The following GRHL2 variants were observed in gnomAD, a reference collection of about 807,000 sequenced individuals.
GRHL2 encodes the protein grainyhead like transcription factor 2.
Under a neutral mutation model 83.8 loss-of-function variants are expected in GRHL2, and 21 were observed. The observed-to-expected ratio is 0.25, with a 90% confidence interval of 0.18 to 0.36. The LOEUF is 0.36. Ranked by LOEUF, GRHL2 falls within the 10% of genes least tolerant of loss-of-function variation. The pLI is 1.00. For synonymous variants in GRHL2, 280 were observed against 278.9 expected, an observed-to-expected ratio of 1.00 and a Z score of -0.04; for missense variants, 623 against 781.8, an observed-to-expected ratio of 0.80 and a Z score of 2.42.
At position 101,546,698 on chromosome 8, in the gene GRHL2, G is replaced by A. The variant is rs577302940; in HGVS notation, c.216+3262G>A. Among the ~76,000 whole-genome samples the A allele has an allele frequency of 4.7e-4, 71 of 152,258 alleles. No individual in the cohort carries two copies. In the South Asian group the frequency reaches 8.9e-3, roughly 19 times the overall value. On this transcript the variant is annotated intron_variant, in intron 2 of 15. Coordinates refer to ENST00000646743, the MANE Select transcript of GRHL2 (RefSeq NM_024915.4). ...TCCAAAGTGCTGGGATTAGGCGTGAGTCACCAAGTCCAGTCCATAATTAGT... is the reference window on the plus strand; with the variant it reads ...TCCAAAGTGCTGGGATTAGGCGTGAATCACCAAGTCCAGTCCATAATTAGT...
At chr8:101,533,305 T>C (rs574561728) in intron 1 of GRHL2, among the ~76,000 whole-genome samples, 1 of 152,354 alleles carries the variant, frequency 6.6e-6, no homozygotes, top group African/African-American at 2.4e-5. Context: ...AAATATGCTG[T>C]GAATTGATTT....
chr8:101,564,308 TA>T lies in GRHL2; in HGVS notation c.678+5498del, dbSNP rs1252208895. Among the ~76,000 whole-genome samples the T allele has an allele frequency of 2.6e-5, 4 of 152,306 alleles. No individual in the cohort carries two copies. In the East Asian group the frequency reaches 7.7e-4, roughly 29 times the overall value. ...AGTAATTTCACCAAGAAAATTTCATTAAGGAAAATTTGTCTAAACTCACTTA... is the reference window on the plus strand; with the variant it reads ...AGTAATTTCACCAAGAAAATTTCATTAGGAAAATTTGTCTAAACTCACTTA... On this transcript the variant is annotated intron_variant, in intron 4 of 15. Coordinates refer to ENST00000646743, the MANE Select transcript of GRHL2 (RefSeq NM_024915.4).
chr8:101,570,637 G>A (rs559579999), intron 5 of GRHL2, among the ~76,000 whole-genome samples: 260 of 147,844 alleles, frequency 1.8e-3, no homozygotes, highest in African/African-American at 5.9e-3. Flanking sequence ...TTTTGTAGGT[G>A]TTCCTCTGAA....
At chr8:101,562,923 A>C (rs62519114) in intron 4 of GRHL2, among the ~76,000 whole-genome samples, 21,107 of 152,204 alleles carry the variant, frequency 0.14, 1,891 homozygotes, top group South Asian at 0.27. Context: ...CAGCATGATA[A>C]TATCTTTAGC....
downstream of GRHL2, among the ~76,000 whole-genome samples, chr8:101,669,921 A>AACTT (rs769255058): frequency 6.6e-6 from 1 of 152,170 alleles, no homozygotes; most frequent in African/African-American, 2.4e-5. Flanking sequence ...AGGGCTGAAG[A>AACTT]ACTTCCAGGG....
At position 101,558,447 on chromosome 8, in the gene GRHL2, A is replaced by G; in HGVS notation, c.313A>G (p.Ser105Gly). ...CTGCCTTGGCACCAGTGAAGCCCAGAGTAATTTGAGTGGAGGAGAAAACCG... is the reference window on the plus strand; with the variant it reads ...CTGCCTTGGCACCAGTGAAGCCCAGGGTAATTTGAGTGGAGGAGAAAACCG... ...RNCLGTSEAQ[S>G]NLSGGENRVQ... The change falls in exon 4 of 16, where the codon AGT becomes GGT. Residue 105 changes from serine to glycine, a missense_variant. By Grantham distance (56) the Ser-to-Gly change is moderately conservative. Coordinates refer to ENST00000646743, the MANE Select transcript of GRHL2 (RefSeq NM_024915.4). 6.2e-7 allele frequency: 1 copy of G among 1,614,186 alleles called. No homozygotes were observed.
At chr8:101,532,694 C>T (rs530240523) in intron 1 of GRHL2, among the ~76,000 whole-genome samples, 307 of 150,316 alleles carry the variant, frequency 2.0e-3, no homozygotes, top group African/African-American at 6.1e-3. Context: ...GTGAAGGTTG[C>T]AGTGAGCCGA....
At chr8:101,620,761 G>C (rs778794432) in intron 9 of GRHL2, among the ~76,000 whole-genome samples, 1 of 152,218 alleles carries the variant, frequency 6.6e-6, no homozygotes, top group South Asian at 2.1e-4. Flanking sequence ...GGAAAGTGAA[G>C]TGGGCTGTCT....
intron 8 of GRHL2, among the ~76,000 whole-genome samples, chr8:101,606,827 A>G (rs1812643015): frequency 1.3e-5 from 2 of 152,272 alleles, no homozygotes; most frequent in South Asian, 2.1e-4. Context: ...CTGCTCCAGC[A>G]GCTGCTACTA....
the GRHL2 span, among the ~76,000 whole-genome samples, chr8:101,676,364 G>GA: frequency 2.0e-5 from 3 of 148,668 alleles, no homozygotes; most frequent in Non-Finnish European, 4.5e-5. Context: ...AAATTTACAA[G>GA]AAAAAAACAA....
chr8:101,538,184 C>T (rs546649902), intron 1 of GRHL2, among the ~76,000 whole-genome samples: 7 of 152,238 alleles, frequency 4.6e-5, no homozygotes, highest in South Asian at 2.1e-4. Flanking sequence ...TATCTTTAGA[C>T]GGGGAAAATG....
intron 6 of GRHL2, among the ~76,000 whole-genome samples, chr8:101,575,227 T>A (rs1322794404): frequency 6.6e-6 from 1 of 151,938 alleles, no homozygotes; most frequent in Admixed American, 6.6e-5. Flanking sequence ...TTAAGCCTTA[T>A]AAATTCCAAG....
chr8:101,514,079 T>G (rs1810520272), intron 1 of GRHL2, among the ~76,000 whole-genome samples: 1 of 152,166 alleles, frequency 6.6e-6, no homozygotes, highest in African/African-American at 2.4e-5. Context: ...TTCTCACCCT[T>G]TCTTCATCAG....
intron 1 of GRHL2, among the ~76,000 whole-genome samples, chr8:101,517,974 A>G (rs553679723): frequency 1.3e-5 from 2 of 152,132 alleles, no homozygotes; most frequent in Non-Finnish European, 2.9e-5. Context: ...ACTACATCAC[A>G]TGGCCAGCAG....
At chr8:101,583,108 G>A (rs1352009557) in intron 7 of GRHL2, among the ~76,000 whole-genome samples, 1 of 152,186 alleles carries the variant, frequency 6.6e-6, no homozygotes, top group Admixed American at 6.5e-5. Context: ...AGAATACTGT[G>A]ACAAAATGAA....
intron 4 of GRHL2, among the ~76,000 whole-genome samples, chr8:101,561,719 C>A (rs866278800): frequency 5.9e-5 from 9 of 152,138 alleles, no homozygotes; most frequent in Non-Finnish European, 1.2e-4. Flanking sequence ...TGTCTAGTGC[C>A]ATTATCCAAA....
intron 6 of GRHL2, among the ~76,000 whole-genome samples, chr8:101,576,658 G>A (rs566204257): frequency 1.3e-5 from 2 of 152,170 alleles, no homozygotes; most frequent in African/African-American, 4.8e-5. Flanking sequence ...TTTGGAAGAG[G>A]GTTGTTTTTG....
chr8:101,539,411 C>T (rs556784015), intron 1 of GRHL2, among the ~76,000 whole-genome samples: 1 of 152,294 alleles, frequency 6.6e-6, no homozygotes, highest in African/African-American at 2.4e-5. Flanking sequence ...CTGTTTTACT[C>T]TCCAAGTGGA....
At chr8:101,653,091 C>T (rs1229523296) in intron 14 of GRHL2, among the ~76,000 whole-genome samples, 1 of 152,192 alleles carries the variant, frequency 6.6e-6, no homozygotes, top group Non-Finnish European at 1.5e-5. Context: ...GTCCTCTCTC[C>T]TGAGCCCAGA....
Sources: allele counts gnomAD v4.1 joint callset (sites outside exome capture counted in the v4.1 genomes callset), GRCh38; gene constraint gnomAD v4.1.1; transcripts MANE v1.5; gene names NCBI Gene and HGNC (gene_info 2026-07-23, HGNC 2026-07-21).